BICC1: variants seen among roughly 807,000 people sequenced by gnomAD.
BICC1 encodes the protein protein bicaudal C homolog 1.
In BICC1, 43 loss-of-function variants were observed where a neutral mutation model predicts 111.0. The observed-to-expected ratio is 0.39, with a 90% CI of 0.30 to 0.50. The LOEUF (loss-of-function observed/expected upper bound fraction) is 0.50, where lower values mean the gene tolerates loss of function less well. Among genes scored for constraint, BICC1 ranks in the 20% least tolerant of loss-of-function variants. BICC1 has a pLI of 0.88. For missense variants in BICC1, 1,091 were observed against 1,203.2 expected (o/e 0.91, Z 1.38); for synonymous variants, 467 against 434.4 (o/e 1.07, Z -0.93).
intron 6 of BICC1, among the ~76,000 whole-genome samples, chr10:58,788,815 G>C (rs895853694): frequency 1.6e-4 from 25 of 152,216 alleles, no homozygotes; most frequent in African/African-American, 6.0e-4. Flanking sequence ...GCCAGTTGTG[G>C]TGGCTCACAC....
Position 58,513,171 on chromosome 10 carries a change from C to G in BICC1, c.28C>G (p.Leu10Val). Residue 10 changes from leucine (L) to valine (V), a missense_variant, in exon 1 of 21, where the codon CTG (leucine) becomes GTG (valine). Physicochemically the swap from Leu to Val is conservative, Grantham distance 32. This residue lies in a region of BICC1 where 843 missense variants were observed against 900.8 expected (regional missense o/e 0.94). Transcript: ENST00000373886. MAAQGEPGY[L>V]AAQSDPGSNS... ...GGCCGCCCAGGGAGAGCCCGGCTAC[C>G]TGGCGGCGCAGTCGGACCCCGGCTC... The G allele has an allele frequency of 6.4e-7, 1 of 1,568,952 alleles. No individual in the cohort carries two copies.
intron 1 of BICC1, among the ~76,000 whole-genome samples, chr10:58,573,018 C>G (rs531190090): frequency 7.9e-5 from 12 of 152,150 alleles, no homozygotes; most frequent in African/African-American, 2.7e-4. Flanking sequence ...TCATATTTGA[C>G]TTTGGATCCT....
At chr10:58,693,481 A>T (rs944209693) in intron 2 of BICC1, among the ~76,000 whole-genome samples, 10 of 152,050 alleles carry the variant, frequency 6.6e-5, no homozygotes, top group Non-Finnish European at 1.0e-4. Context: ...CCACCAACAG[A>T]GTAAAAGTGT....
At chr10:58,810,081 G>T (rs754538896) in intron 17 of BICC1, among the ~76,000 whole-genome samples, 2 of 152,206 alleles carry the variant, frequency 1.3e-5, no homozygotes, top group Non-Finnish European at 2.9e-5. Context: ...TAATTGTGAT[G>T]CATGTGTCCC....
chr10:58,515,175 C>G (rs1325776664), intron 1 of BICC1, among the ~76,000 whole-genome samples: 1 of 152,224 alleles, frequency 6.6e-6, no homozygotes, highest in Non-Finnish European at 1.5e-5. Flanking sequence ...ATACTACGAT[C>G]TGAGACGGTT....
chr10:58,647,689 C>T (rs1000816732), intron 2 of BICC1, among the ~76,000 whole-genome samples: 1 of 151,964 alleles, frequency 6.6e-6, no homozygotes, highest in African/African-American at 2.4e-5. Flanking sequence ...CTGCTCATAG[C>T]TACTTTTCAA....
chr10:58,663,171 A>G (rs944106329), intron 2 of BICC1, among the ~76,000 whole-genome samples: 5 of 145,760 alleles, frequency 3.4e-5, no homozygotes, highest in African/African-American at 1.0e-4. Context: ...GGTTGACGCC[A>G]TTCTCCTGCC....
chr10:58,591,525 C>G (rs1485400369), intron 1 of BICC1, among the ~76,000 whole-genome samples: 6 of 152,184 alleles, frequency 3.9e-5, no homozygotes, highest in African/African-American at 1.4e-4. Context: ...GCACTAATCC[C>G]ACTCTTGAAT....
At chr10:58,650,989 C>CTT (rs150083949) in intron 2 of BICC1, 13,318 of 152,078 alleles carry the variant, frequency 0.088, 783 homozygotes, top group Middle Eastern at 0.22. Context: ...TGGAATCATG[C>CTT]TTTTTAAAGA....
At chr10:58,578,275 T>C (rs1016204546) in intron 1 of BICC1, among the ~76,000 whole-genome samples, 1 of 152,214 alleles carries the variant, frequency 6.6e-6, no homozygotes, top group Non-Finnish European at 1.5e-5. Flanking sequence ...CTTGAGAGTA[T>C]TTCCGAGTTG....
rs1844483568 is a variant in BICC1, at chr10:58,829,098, A to G, written c.*207A>G. 1 of 467,720 alleles carries G rather than the reference A, an allele frequency of 2.1e-6. No individual in the cohort carries two copies. Among genetic ancestry groups the G allele is most frequent in the Non-Finnish European group, 3.6e-6 (1 of 279,242 alleles). 29.0% of individuals were successfully genotyped at this position (467,720 alleles called of 1,614,324 possible). On this transcript the variant is annotated 3_prime_UTR_variant, in exon 21 of 21. Transcript: ENST00000373886. ...TCATACAGAACACCAAATATGGATTACTTTTTTAAAATGGCAGTTGGACAG... is the reference window on the plus strand; with the variant it reads ...TCATACAGAACACCAAATATGGATTGCTTTTTTAAAATGGCAGTTGGACAG...
At chr10:58,710,741 G>A (rs868761836) in intron 3 of BICC1, among the ~76,000 whole-genome samples, 1 of 152,180 alleles carries the variant, frequency 6.6e-6, no homozygotes, top group Non-Finnish European at 1.5e-5. Flanking sequence ...GTATATGTGT[G>A]TGTGTGGTTT....
In BICC1 at chr10:58,781,252, C is replaced by A. The variant is rs115509903; in HGVS notation, c.308-3749C>A. On this transcript the variant is annotated intron_variant, in intron 3 of 20. Transcript: ENST00000373886. ...CAGAACTTTTTTGGAAAGTACCACA[C>A]ACACAGTCACCTAGGATATGAGCTT... 5.6e-3 allele frequency among the ~76,000 whole-genome samples: 857 copies of A among 152,288 alleles called. 11 individuals are homozygous for A. Among genetic ancestry groups the A allele is most frequent in the African/African-American group, 0.02 (820 of 41,568 alleles).
At chr10:58,721,582 A>G (rs530132392) in intron 3 of BICC1, among the ~76,000 whole-genome samples, 3 of 152,326 alleles carry the variant, frequency 2.0e-5, no homozygotes, top group Admixed American at 6.5e-5. Context: ...AACCATCTGC[A>G]AAAGTATTAC....
chr10:58,542,852 A>G (rs1843031437), intron 1 of BICC1, among the ~76,000 whole-genome samples: 1 of 151,942 alleles, frequency 6.6e-6, no homozygotes, highest in East Asian at 1.9e-4. Context: ...ATTATTAAAA[A>G]AAAACAAACT....
At chr10:58,514,878 A>G (rs1179284697) in intron 1 of BICC1, among the ~76,000 whole-genome samples, 1 of 152,346 alleles carries the variant, frequency 6.6e-6, no homozygotes, top group African/African-American at 2.4e-5. Flanking sequence ...TATGTCAGGC[A>G]TATATTGTGA....
Position 58,723,341 on chromosome 10 carries a change from C to T in BICC1, c.307+21198C>T, listed in dbSNP as rs183819495. ...AGAATAAGGGGATGGATTAGAGACTCGAAGACACTGGGGAGTGTTCAGAAC... is the reference window on the plus strand; with the variant it reads ...AGAATAAGGGGATGGATTAGAGACTTGAAGACACTGGGGAGTGTTCAGAAC... On this transcript the variant is annotated intron_variant, in intron 3 of 20. Coordinates refer to ENST00000373886, the MANE Select transcript of BICC1 (RefSeq NM_001080512.3). Among the ~76,000 whole-genome samples the T allele has an allele frequency of 1.9e-3, 296 of 152,124 alleles. 1 individual carries two copies. The highest frequency in any genetic ancestry group is 6.0e-3 in the African/African-American group (250 of 41,496).
intron 1 of BICC1, among the ~76,000 whole-genome samples, chr10:58,555,531 A>G (rs1289458253): frequency 3.9e-5 from 6 of 152,116 alleles, no homozygotes; most frequent in Non-Finnish European, 5.9e-5. Context: ...GAGGTTCTCT[A>G]TGTGAAGTCA....
intron 3 of BICC1, among the ~76,000 whole-genome samples, chr10:58,721,970 G>A (rs1202957664): frequency 2.8e-4 from 42 of 152,124 alleles, no homozygotes; most frequent in Admixed American, 2.4e-3. Flanking sequence ...AAATATTTCC[G>A]TTACTAACAA....
Sources: allele counts gnomAD v4.1 joint callset (sites outside exome capture counted in the v4.1 genomes callset), GRCh38; gene constraint gnomAD v4.1.1; regional missense constraint gnomAD v4.1.1; transcripts MANE v1.5; gene names NCBI Gene and HGNC (gene_info 2026-07-23, HGNC 2026-07-21).